NAALADL2: variants seen among roughly 807,000 people sequenced by gnomAD.
The protein encoded by NAALADL2 is inactive N-acetylated-alpha-linked acidic dipeptidase-like protein 2.
In NAALADL2, 76 loss-of-function variants were observed where a neutral mutation model predicts 87.2. That is an observed-to-expected ratio of 0.87 (90% confidence interval 0.72 to 1.05). NAALADL2 has a LOEUF of 1.05. NAALADL2 is among the 50% of genes least tolerant of loss of function. The pLI, the probability that NAALADL2 is intolerant of heterozygous loss-of-function variation, is 0.00. For missense variants in NAALADL2, 1,089 were observed against 945.8 expected, an observed-to-expected ratio of 1.15 and a Z score of -1.99; for synonymous variants, 354 against 331.0, an observed-to-expected ratio of 1.07 and a Z score of -0.75.
At chr3:174,819,215 C>T (rs1721152334) in intron 3 of NAALADL2, among the ~76,000 whole-genome samples, 1 of 151,228 alleles carries the variant, frequency 6.6e-6, no homozygotes, top group South Asian at 2.1e-4. Context: ...AAGGCACATG[C>T]CACCATGCCC....
At chr3:175,186,063 C>A (rs1737287046) in intron 2 of NAALADL2, among the ~76,000 whole-genome samples, 1 of 151,982 alleles carries the variant, frequency 6.6e-6, no homozygotes, top group Non-Finnish European at 1.5e-5. Context: ...TGCTTAACAG[C>A]TGGAGGTGTC....
chr3:175,447,393 CTCTGTATTTTACAGTTTTTT>C, intron 6 of NAALADL2, 21 bp downstream of exon 6: 1 of 1,508,834 alleles, frequency 6.6e-7, no homozygotes. Context: ...TAATGTCGTT[CTCTGTATTTTACAGTTTTTT>C]TAAAGACCAT....
intron 2 of NAALADL2, among the ~76,000 whole-genome samples, chr3:175,136,602 A>G (rs920724478): frequency 5.5e-5 from 8 of 145,988 alleles, no homozygotes; most frequent in Non-Finnish European, 1.0e-4. Flanking sequence ...TTTTATAAGC[A>G]TGCTTGAAGA....
At chr3:175,629,120 A>ATT (rs1038607609) in intron 11 of NAALADL2, among the ~76,000 whole-genome samples, 80 of 148,936 alleles carry the variant, frequency 5.4e-4, no homozygotes, top group African/African-American at 1.9e-3. Context: ...ATACTTGGAG[A>ATT]TTATATATAT....
chr3:175,100,071 A>G (rs1254492969), intron 2 of NAALADL2, among the ~76,000 whole-genome samples: 1 of 151,630 alleles, frequency 6.6e-6, no homozygotes, highest in Non-Finnish European at 1.5e-5. Flanking sequence ...TATTATGATT[A>G]CTCAGAGGAT....
At chr3:175,086,603 C>T (rs1473798089) in intron 1 of NAALADL2, among the ~76,000 whole-genome samples, 1 of 152,066 alleles carries the variant, frequency 6.6e-6, no homozygotes, top group African/African-American at 2.4e-5. Context: ...CTTTGCGGCT[C>T]TTACATTTTC....
intron 2 of NAALADL2, among the ~76,000 whole-genome samples, chr3:174,655,868 C>G (rs1724865264): frequency 6.6e-6 from 1 of 152,066 alleles, no homozygotes; most frequent in Non-Finnish European, 1.5e-5. Context: ...TCTCCAAAAT[C>G]AGAACATTGC....
intron 5 of NAALADL2, among the ~76,000 whole-genome samples, chr3:175,416,375 T>C (rs1714640751): frequency 6.6e-6 from 1 of 152,112 alleles, no homozygotes; most frequent in East Asian, 1.9e-4. Context: ...ATAGCAAAAT[T>C]AGTTAATTTT....
intron 2 of NAALADL2, among the ~76,000 whole-genome samples, chr3:175,130,272 AT>A (rs543898194): frequency 1.3e-5 from 2 of 151,946 alleles, no homozygotes; most frequent in Admixed American, 6.6e-5. Flanking sequence ...TTACAAATAC[AT>A]TTTTTTCCCA....
chr3:175,470,678 C>CA (rs138607748), intron 8 of NAALADL2, among the ~76,000 whole-genome samples: 2,306 of 149,636 alleles, frequency 0.015, 34 homozygotes, highest in African/African-American at 0.046. Context: ...AATGCTTGCA[C>CA]AAAAAAAAAC....
intron 2 of NAALADL2, among the ~76,000 whole-genome samples, chr3:174,568,566 TGAATGAGCCACAC>T (rs1714563108): frequency 6.6e-6 from 1 of 151,894 alleles, no homozygotes; most frequent in Admixed American, 6.6e-5. Context: ...GATTAATTGC[TGAATGAGCCACAC>T]AGAAAATCAT....
chr3:175,119,850 G>T (rs1232253100), intron 2 of NAALADL2, among the ~76,000 whole-genome samples: 2 of 142,878 alleles, frequency 1.4e-5, no homozygotes, highest in Non-Finnish European at 3.0e-5. Flanking sequence ...GACTTATATA[G>T]CTTATGTAAG....
At chr3:174,516,095 T>C (rs1719921405) in intron 1 of NAALADL2, among the ~76,000 whole-genome samples, 1 of 152,088 alleles carries the variant, frequency 6.6e-6, no homozygotes, top group Non-Finnish European at 1.5e-5. Flanking sequence ...AAAAACTTGT[T>C]TATATTTCAT....
At chr3:174,934,705 G>A (rs1207802589) in intron 1 of NAALADL2, among the ~76,000 whole-genome samples, 2 of 151,890 alleles carry the variant, frequency 1.3e-5, no homozygotes, top group Non-Finnish European at 2.9e-5. Flanking sequence ...GATAGGCATT[G>A]TGTTAGGCAC....
chr3:175,301,351 C>T (rs1757063258), intron 4 of NAALADL2, among the ~76,000 whole-genome samples: 2 of 152,100 alleles, frequency 1.3e-5, no homozygotes, highest in African/African-American at 4.8e-5. Context: ...GTGCAGCAAA[C>T]CACCATGGCA....
intron 1 of NAALADL2, among the ~76,000 whole-genome samples, chr3:175,015,298 A>G (rs935067435): frequency 6.6e-6 from 1 of 152,056 alleles, no homozygotes; most frequent in Non-Finnish European, 1.5e-5. Flanking sequence ...TAACCTATGT[A>G]TATGTATATG....
intron 2 of NAALADL2, among the ~76,000 whole-genome samples, chr3:174,567,183 G>A (rs962703478): frequency 2.0e-5 from 3 of 151,380 alleles, no homozygotes; most frequent in African/African-American, 4.8e-5. Context: ...TTGGACATGA[G>A]TTATGACATT....
intron 4 of NAALADL2, among the ~76,000 whole-genome samples, chr3:175,320,534 A>C (rs1051294616): frequency 6.6e-6 from 1 of 152,176 alleles, no homozygotes; most frequent in Non-Finnish European, 1.5e-5. Flanking sequence ...GGGGTCTGTC[A>C]GGAGGTTCAG....
At position 175,616,027 on chromosome 3, in the gene NAALADL2, A is replaced by G. The variant is rs146484433; in HGVS notation, c.1801-11264A>G. 9.1e-3 allele frequency among the ~76,000 whole-genome samples: 1,336 copies of G among 147,156 alleles called. 17 individuals are homozygous for G. The highest frequency in any genetic ancestry group is 0.029 in the African/African-American group (1,192 of 40,638). ...ATTATAATACATATTTATATATTAC[A>G]TATACTGTAATATGTATTATATATA... On this transcript the variant is annotated intron_variant, in intron 10 of 13. Coordinates refer to ENST00000454872, the MANE Select transcript of NAALADL2 (RefSeq NM_207015.3).
Sources: gnomAD v4.1 joint callset for allele counts (sites outside exome capture counted in the v4.1 genomes callset) on GRCh38, gnomAD v4.1.1 for gene constraint, MANE v1.5 for transcripts, NCBI Gene and HGNC (gene_info 2026-07-23, HGNC 2026-07-21) for gene names.